VWC2: variants seen among roughly 807,000 people sequenced by gnomAD.
The protein encoded by VWC2 is von Willebrand factor C domain containing 2, also known as brorin.
VWC2 carries 14 observed loss-of-function variants against 29.8 expected under a neutral mutation model. That is an observed-to-expected ratio of 0.47 (90% CI 0.31 to 0.74). The LOEUF is 0.74. Among genes scored for constraint, VWC2 ranks in the 30% least tolerant of loss-of-function variants. VWC2 has a pLI of 0.05. For missense variants in VWC2, 457 were observed against 459.8 expected, an observed-to-expected ratio of 0.99 and a Z score of 0.05; for synonymous variants, 213 against 199.0, an observed-to-expected ratio of 1.07 and a Z score of -0.59.
intron 2 of VWC2, among the ~76,000 whole-genome samples, chr7:49,797,639 C>G (rs1007686157): frequency 6.6e-6 from 1 of 152,254 alleles, no homozygotes; most frequent in South Asian, 2.1e-4. Flanking sequence ...CTGCTGTTAT[C>G]TGTATTCTCA....
chr7:49,865,519 T>G (rs1790847086), intron 3 of VWC2, among the ~76,000 whole-genome samples: 1 of 152,240 alleles, frequency 6.6e-6, no homozygotes, highest in Non-Finnish European at 1.5e-5. Context: ...TCTCTGGCAA[T>G]GTGGTTCCTC....
intron 2 of VWC2, among the ~76,000 whole-genome samples, chr7:49,779,089 A>G (rs1378545990): frequency 6.6e-6 from 1 of 152,004 alleles, no homozygotes; most frequent in Non-Finnish European, 1.5e-5. Context: ...GGAAATTACT[A>G]GTTATTGATG....
intron 3 of VWC2, among the ~76,000 whole-genome samples, chr7:49,808,306 C>T (rs184781791): frequency 6.4e-4 from 97 of 152,206 alleles, no homozygotes; most frequent in Non-Finnish European, 1.0e-4. Flanking sequence ...AGAGGAACAA[C>T]TGTCAGGATA....
chr7:49,847,643 A>T (rs1789995235), intron 3 of VWC2, among the ~76,000 whole-genome samples: 1 of 152,252 alleles, frequency 6.6e-6, no homozygotes, highest in Non-Finnish European at 1.5e-5. Flanking sequence ...GGCCTGGGTC[A>T]GGAGGCAGAA....
Position 49,775,835 on chromosome 7 carries a change from G to A in VWC2, c.400G>A (p.Glu134Lys), listed in dbSNP as rs184950432. 1.1e-3 allele frequency: 1,706 copies of A among 1,549,128 alleles called. 4 individuals carry two copies. Among genetic ancestry groups the A allele is most frequent in the Middle Eastern group, 8.2e-3 (49 of 5,984 alleles). Residue 134 changes from glutamate to lysine, a missense_variant, in exon 2 of 4, where the codon GAA becomes AAA. Glu to Lys is a moderately conservative substitution (Grantham distance 56). Transcript: ENST00000340652. ...AAAAQDAIGP[E>K]LAPTPEPPEE... is the part of the protein sequence containing the mutation. ...AGCCGCCCAGGACGCGATTGGCCCG[G>A]AACTCGCGCCCACGCCCGAGCCACC...
chr7:49,778,286 G>T (rs1788094639), intron 2 of VWC2, among the ~76,000 whole-genome samples: 1 of 152,092 alleles, frequency 6.6e-6, no homozygotes, highest in Non-Finnish European at 1.5e-5. Flanking sequence ...AAATTGGAAA[G>T]ATTACAATCT....
chr7:49,889,291 C>A (rs145483103), intron 3 of VWC2, among the ~76,000 whole-genome samples: 4 of 152,294 alleles, frequency 2.6e-5, no homozygotes, highest in African/African-American at 9.6e-5. Context: ...ACTTAGGCTT[C>A]TATTGTGAAG....
intron 2 of VWC2, among the ~76,000 whole-genome samples, chr7:49,786,119 T>A (rs116243768): frequency 0.026 from 3,932 of 152,278 alleles, 172 homozygotes; most frequent in African/African-American, 0.088. Flanking sequence ...AGTTAGTTTT[T>A]CAACCCTTGC....
At chr7:49,840,715 G>A (rs1049379850) in intron 3 of VWC2, among the ~76,000 whole-genome samples, 47 of 152,244 alleles carry the variant, frequency 3.1e-4, no homozygotes, top group African/African-American at 1.1e-3. Flanking sequence ...ATAAAAAGCC[G>A]ATTATTCACT....
intron 3 of VWC2, among the ~76,000 whole-genome samples, chr7:49,867,070 C>T (rs1562740813): frequency 6.6e-6 from 1 of 152,180 alleles, no homozygotes. Context: ...AGACAGATGG[C>T]TCAAGAAATG....
At chr7:49,789,285 G>T (rs1220123769) in intron 2 of VWC2, among the ~76,000 whole-genome samples, 1 of 148,988 alleles carries the variant, frequency 6.7e-6, no homozygotes, top group Non-Finnish European at 1.5e-5. Flanking sequence ...GTGTGTGAGA[G>T]TGTGAGTGTG....
At chr7:49,900,353 T>C (rs1204795586) in intron 3 of VWC2, among the ~76,000 whole-genome samples, 2 of 151,312 alleles carry the variant, frequency 1.3e-5, no homozygotes, top group Non-Finnish European at 3.0e-5. Flanking sequence ...AGGAAAACAA[T>C]AGAGAAAGCT....
At chr7:49,865,031 A>G (rs1790821037) in intron 3 of VWC2, among the ~76,000 whole-genome samples, 1 of 152,204 alleles carries the variant, frequency 6.6e-6, no homozygotes, top group Non-Finnish European at 1.5e-5. Context: ...ATATCCCTCT[A>G]TATTTATTCT....
At chr7:49,837,968 T>C (rs1028549735) in intron 3 of VWC2, among the ~76,000 whole-genome samples, 2 of 152,236 alleles carry the variant, frequency 1.3e-5, no homozygotes, top group African/African-American at 4.8e-5. Context: ...TGCCTATAAC[T>C]TTCTTCCCTG....
chr7:49,894,158 TC>T (rs922888290), intron 3 of VWC2, among the ~76,000 whole-genome samples: 1 of 65,822 alleles, frequency 1.5e-5, no homozygotes, highest in African/African-American at 6.9e-5. Flanking sequence ...CTAGGCTTTT[TC>T]TTTTCTTTCT....
At chr7:49,840,972 G>A (rs1789780638) in intron 3 of VWC2, among the ~76,000 whole-genome samples, 1 of 152,140 alleles carries the variant, frequency 6.6e-6, no homozygotes, top group Admixed American at 6.5e-5. Context: ...AGACTCAGAT[G>A]GTGTCAGGAG....
chr7:49,875,852 G>A (rs1226604527), intron 3 of VWC2, among the ~76,000 whole-genome samples: 1 of 152,148 alleles, frequency 6.6e-6, no homozygotes, highest in Non-Finnish European at 1.5e-5. Context: ...CAGGCTCCAT[G>A]AGCAAGAGAA....
chr7:49,775,799 GC>G lies in VWC2; in HGVS notation c.367del (p.Leu123TrpfsTer163). 1 of 1,535,850 alleles carries G rather than the reference GC, an allele frequency of 6.5e-7. No individual in the cohort carries two copies. On this transcript the variant is annotated frameshift_variant, in exon 2 of 4. Transcript: ENST00000340652. LOFTEE classifies it high-confidence loss of function. ...CCGCGGGGACACCCCGCAGGCGGAA[GC>G]CCTGGCCGCAGCCGCCCAGGACGCG... ...RPRGDTPQAEALAAAAQDAIG... is the reference protein window; with the variant it reads ...RPRGDTPQAEXLAAAAQDAIG...
intron 3 of VWC2, among the ~76,000 whole-genome samples, chr7:49,893,445 AT>A (rs1365617234): frequency 1.3e-5 from 2 of 152,024 alleles, no homozygotes; most frequent in African/African-American, 4.8e-5. Context: ...ACAAAATTTG[AT>A]TTTTTTCGTG....
Sources: allele counts gnomAD v4.1 joint callset (sites outside exome capture counted in the v4.1 genomes callset), GRCh38; gene constraint gnomAD v4.1.1; transcripts MANE v1.5; gene names NCBI Gene and HGNC (gene_info 2026-07-23, HGNC 2026-07-21).